Variants in RANBP2 observed in about 807,000 individuals in gnomAD.
RANBP2 encodes the protein RAN binding protein 2.
RANBP2 carries 57 observed loss-of-function variants against 303.6 expected under a neutral mutation model. The ratio of observed to expected loss-of-function variants is 0.19; its 90% CI spans 0.15 to 0.23. RANBP2 has a LOEUF of 0.23. RANBP2 is among the 10% of genes least tolerant of loss of function. RANBP2 has a pLI of 1.00. For synonymous variants in RANBP2, 1,167 were observed against 1,301.5 expected (o/e 0.90, Z 2.23); for missense variants, 3,138 against 3,780.8 (o/e 0.83, Z 4.46).
intron 6 of RANBP2, among the ~76,000 whole-genome samples, chr2:108,737,715 AT>A (rs34504601): frequency 3.1e-3 from 401 of 129,158 alleles, no homozygotes; most frequent in Admixed American, 5.1e-3. Context: ...CACCTGGCTA[AT>A]TTTTTTTTTT....
chr2:109,441,132 C>CAAAAAAAAAAAAAAA, the RANBP2 span, among the ~76,000 whole-genome samples: 12 of 134,042 alleles, frequency 9.0e-5, no homozygotes, highest in African/African-American at 3.6e-4. Flanking sequence ...TATAGGAATA[C>CAAAAAAAAAAAAAAA]AAAAAAAAAA....
the RANBP2 span, among the ~76,000 whole-genome samples, chr2:109,375,064 T>TA: frequency 6.6e-6 from 1 of 152,168 alleles, no homozygotes; most frequent in Non-Finnish European, 1.5e-5. Context: ...GCCCTGGACA[T>TA]ACGTACATTT....
At chr2:109,389,219 G>T in the RANBP2 span, among the ~76,000 whole-genome samples, 569 of 152,290 alleles carry the variant, frequency 3.7e-3, 1 homozygote, top group African/African-American at 0.013. Context: ...CAGCTGTGAG[G>T]GCCCCTCCTG....
chr2:108,891,210 C>T, the RANBP2 span, among the ~76,000 whole-genome samples: 16 of 152,282 alleles, frequency 1.1e-4, no homozygotes, highest in Non-Finnish European at 2.2e-4. Context: ...TTCTGATGTT[C>T]CTTTAGAGGC....
At chr2:109,098,140 G>C in the RANBP2 span, among the ~76,000 whole-genome samples, 1 of 152,178 alleles carries the variant, frequency 6.6e-6, no homozygotes, top group Non-Finnish European at 1.5e-5. Flanking sequence ...AGTGGAAGGA[G>C]GTGGAGAGAG....
chr2:109,053,367 T>C, the RANBP2 span, among the ~76,000 whole-genome samples: 10 of 152,210 alleles, frequency 6.6e-5, no homozygotes, highest in African/African-American at 2.4e-4. Flanking sequence ...AACTGGAATG[T>C]GCCAGGCCTG....
At chr2:109,211,670 A>C in the RANBP2 span, among the ~76,000 whole-genome samples, 1 of 135,920 alleles carries the variant, frequency 7.4e-6, no homozygotes, top group African/African-American at 2.8e-5. Flanking sequence ...TTTGAGATGG[A>C]GTCTCGCTCT....
the RANBP2 span, among the ~76,000 whole-genome samples, chr2:109,495,477 CTTTTTTTTTTTTTTTTTTTTT>C: frequency 1.1e-5 from 1 of 94,278 alleles, no homozygotes. Flanking sequence ...TCTTTCATTC[CTTTTTTTTTTTTTTTTTTTTT>C]TTTTTTTTTT....
At chr2:109,692,301 G>A in the RANBP2 span, among the ~76,000 whole-genome samples, 2 of 152,040 alleles carry the variant, frequency 1.3e-5, no homozygotes, top group Non-Finnish European at 2.9e-5. Flanking sequence ...GGGGGCGGTG[G>A]GGAGGGCGCT....
chr2:109,517,896 C>A, the RANBP2 span, among the ~76,000 whole-genome samples: 4 of 152,206 alleles, frequency 2.6e-5, no homozygotes, highest in Non-Finnish European at 5.9e-5. Flanking sequence ...CTTTGTGTGG[C>A]CTGCAGGGTC....
At chr2:109,347,261 C>A in the RANBP2 span, among the ~76,000 whole-genome samples, 1 of 152,148 alleles carries the variant, frequency 6.6e-6, no homozygotes, top group Non-Finnish European at 1.5e-5. Context: ...TAAGAAATTC[C>A]GAGCCCAGAC....
chr2:109,733,037 A>G, the RANBP2 span: 1 of 568,392 alleles, frequency 1.8e-6, no homozygotes, highest in Non-Finnish European at 3.5e-6. Context: ...ACCTCGTCGC[A>G]GACCTCCAAG....
At chr2:109,233,903 C>T in the RANBP2 span, among the ~76,000 whole-genome samples, 1 of 152,192 alleles carries the variant, frequency 6.6e-6, no homozygotes, top group Admixed American at 6.5e-5. Flanking sequence ...TTTATTGCTG[C>T]ATAATATTCC....
At chr2:109,391,465 G>A in the RANBP2 span, among the ~76,000 whole-genome samples, 125 of 152,326 alleles carry the variant, frequency 8.2e-4, no homozygotes, top group Admixed American at 2.1e-3. Context: ...CAGGGCCGGC[G>A]GCCTCACACA....
At chr2:108,967,767 G>A in the RANBP2 span, among the ~76,000 whole-genome samples, 1 of 152,136 alleles carries the variant, frequency 6.6e-6, no homozygotes, top group African/African-American at 2.4e-5. Flanking sequence ...GTGGATTTCT[G>A]CTTGTTTGAG....
the RANBP2 span, among the ~76,000 whole-genome samples, chr2:109,367,075 C>T: frequency 6.6e-6 from 1 of 151,046 alleles, no homozygotes; most frequent in African/African-American, 2.4e-5. Flanking sequence ...GCCTCACCCT[C>T]CAGAGCAGCT....
At chr2:108,720,132 C>T in intron 1 of RANBP2, 1 of 984,322 alleles carries the variant, frequency 1.0e-6, no homozygotes, top group South Asian at 4.7e-5. Context: ...TGGGGACTGA[C>T]GCAGCTCCGG....
chr2:109,639,998 A>T, the RANBP2 span, among the ~76,000 whole-genome samples: 39 of 150,490 alleles, frequency 2.6e-4, no homozygotes, highest in African/African-American at 8.5e-4. Context: ...GGCATGAGCC[A>T]CTGCGCCCAG....
chr2:108,828,649 A>C, the RANBP2 span, among the ~76,000 whole-genome samples: 1 of 152,214 alleles, frequency 6.6e-6, no homozygotes, highest in Non-Finnish European at 1.5e-5. Flanking sequence ...CCCTCATGCA[A>C]CAAAATGAGT....
Sources: allele counts gnomAD v4.1 joint callset (sites outside exome capture counted in the v4.1 genomes callset), GRCh38; gene constraint gnomAD v4.1.1; transcripts MANE v1.5; gene names NCBI Gene and HGNC (gene_info 2026-07-23, HGNC 2026-07-21).